The following DUOXA2 variants were observed in gnomAD, a reference collection of about 807,000 sequenced individuals.
The protein encoded by DUOXA2 is dual oxidase maturation factor 2.
DUOXA2 carries 22 observed loss-of-function variants against 27.6 expected under a neutral mutation model. The observed-to-expected ratio is 0.80, with a 90% confidence interval of 0.57 to 1.14. The LOEUF is 1.14. Ranked by LOEUF, DUOXA2 falls within the 50% of genes most tolerant of loss-of-function variation. DUOXA2 has a pLI of 0.00. For missense variants in DUOXA2, 481 were observed against 419.9 expected (o/e 1.15, Z -1.27); for synonymous variants, 188 against 184.4 (o/e 1.02, Z -0.16).
rs752278554 is a variant in DUOXA2 at position 45,116,139 on chromosome 15, C to A, written c.221C>A (p.Ala74Glu). The A allele has an allele frequency of 6.2e-7, 1 of 1,613,972 alleles. No individual in the cohort carries two copies. Among genetic ancestry groups the A allele is most frequent in the Admixed American group, 1.7e-5 (1 of 60,022 alleles). ...GAEIVAVHFS[A>E]EWFVGTVNTN... ...TTCCCTACAGCTGTGCACTTCAGTGCAGAATGGTTCGTGGGTACAGTGAAC... is the reference window on the plus strand; with the variant it reads ...TTCCCTACAGCTGTGCACTTCAGTGAAGAATGGTTCGTGGGTACAGTGAAC... Residue 74 changes from alanine to glutamate, a missense_variant, in exon 3 of 6, where the codon GCA becomes GAA. Physicochemically the swap from Ala to Glu is moderately radical, Grantham distance 107. Transcript: ENST00000323030.
At position 45,118,062 on chromosome 15, in the gene DUOXA2, G is replaced by A. The variant is rs1209276593; in HGVS notation, c.*153G>A. The A allele has an allele frequency of 6.4e-7, 1 of 1,555,384 alleles. No individual in the cohort carries two copies. Among genetic ancestry groups the A allele is most frequent in the Non-Finnish European group, 8.7e-7 (1 of 1,152,676 alleles). On this transcript the variant is annotated 3_prime_UTR_variant, in exon 6 of 6. Transcript: ENST00000323030. Reference sequence around the variant, plus strand: ...CCGCAGGCACCAGGGAAAGTCTCCTGGGGCGATCTGTAAATAAACCTTTTT... The same window carrying A: ...CCGCAGGCACCAGGGAAAGTCTCCTAGGGCGATCTGTAAATAAACCTTTTT...
rs764707016 is a variant in DUOXA2, at chr15:45,116,480, C to T, written c.341-36C>T. 31 of 1,610,924 alleles carry T rather than the reference C, an allele frequency of 1.9e-5. No homozygotes were observed. The South Asian group carries it at 3.2e-4, about 17-fold the overall frequency. On this transcript the variant is annotated intron_variant, in intron 3 of 5. Coordinates refer to ENST00000323030, the MANE Select transcript of DUOXA2 (RefSeq NM_207581.4). ...ATCCGCTTAGTTGCGAGGTCTCCGA[C>T]CGCGGGCAGCCCCATGAGCCCGCCT...
At chr15:45,117,030 G>A in intron 4 of DUOXA2, 61 bp from the exon 5 acceptor site, 3 of 1,558,348 alleles carry the variant, frequency 1.9e-6, no homozygotes, top group Non-Finnish European at 2.6e-6. Context: ...GAGCGCAGCT[G>A]TGGGAACCCC....
In DUOXA2 at chr15:45,114,431, G is replaced by A; in HGVS notation, c.-175G>A. ...CGGTACCAACCCCAGAGCGTTGAGA[G>A]CAGCCCACCTCCACGCTTCCTTAAC... is the stretch of plus-strand genomic sequence containing the variant. On this transcript the variant is annotated 5_prime_UTR_variant, in exon 1 of 6. Transcript: ENST00000323030. 3 of 790,668 alleles carry A rather than the reference G, an allele frequency of 3.8e-6. No individual in the cohort carries two copies. Among genetic ancestry groups the A allele is most frequent in the East Asian group, 5.4e-5 (2 of 37,160 alleles). 49.0% of individuals were successfully genotyped at this position (790,668 alleles called of 1,614,324 possible).
Position 45,118,216 on chromosome 15 carries a change from T to G in DUOXA2, c.*307T>G. 7.1e-7 allele frequency: 1 copy of G among 1,413,466 alleles called. No individual in the cohort carries two copies. Among genetic ancestry groups the G allele is most frequent in the Non-Finnish European group, 9.2e-7 (1 of 1,090,444 alleles). The allele number at this position is 1,413,466 out of a possible 1,614,324, so 87.6% of individuals were successfully genotyped here. Reference sequence around the variant, plus strand: ...ACACTCTCCGCAGTGCTGTGAAACCTGATTCTCTGCGTCGACTCCAGAGTA... The same window carrying G: ...ACACTCTCCGCAGTGCTGTGAAACCGGATTCTCTGCGTCGACTCCAGAGTA... On this transcript the variant is annotated 3_prime_UTR_variant, in exon 6 of 6. Transcript: ENST00000323030.
Position 45,114,496 on chromosome 15 carries a change from C to A in DUOXA2, c.-110C>A. 4.0e-6 allele frequency: 6 copies of A among 1,496,298 alleles called. No homozygotes were observed. The highest frequency in any genetic ancestry group is 2.4e-5 in the East Asian group (1 of 41,428). The allele number at this position is 1,496,298 out of a possible 1,614,324, so 92.7% of individuals were successfully genotyped here. ...CTCAGACTTCACCAGCCCACTCGGT[C>A]CCAGCCTTGTACGCAAAGAGACGCC... On this transcript the variant is annotated 5_prime_UTR_variant, in exon 1 of 6. Coordinates refer to ENST00000323030, the MANE Select transcript of DUOXA2 (RefSeq NM_207581.4).
In DUOXA2 at chr15:45,114,837, G is replaced by A. The variant is rs950638186; in HGVS notation, c.147+85G>A. On this transcript the variant is annotated intron_variant, in intron 1 of 5. Transcript: ENST00000323030. ...TGAGGGACCCAGGACAGGTAAGACT[G>A]TACAAGAGCCTCCATGAATAGTCGA... is the stretch of plus-strand genomic sequence containing the variant. 19 of 1,592,506 alleles carry A rather than the reference G, an allele frequency of 1.2e-5. No individual in the cohort carries two copies. In the African/African-American group the frequency reaches 2.1e-4, roughly 18 times the overall value.
intron 3 of DUOXA2, 122 bp from the exon 4 acceptor site, chr15:45,116,394 C>G (rs1894630757): frequency 1.3e-6 from 2 of 1,553,680 alleles, no homozygotes; most frequent in Admixed American, 1.7e-5. Context: ...TGCGTTTTCT[C>G]CAACCACCAC....
chr15:45,114,424 G>A lies in DUOXA2; in HGVS notation c.-182G>A, dbSNP rs1894548142. The stretch of plus-strand genomic sequence containing the variant: ...ACTCTGTCGGTACCAACCCCAGAGC[G>A]TTGAGAGCAGCCCACCTCCACGCTT... On this transcript the variant is annotated 5_prime_UTR_variant, in exon 1 of 6. Transcript: ENST00000323030. 1.3e-6 allele frequency: 1 copy of A among 743,792 alleles called. No homozygotes were observed. The highest frequency in any genetic ancestry group is 2.2e-6 in the Non-Finnish European group (1 of 451,256). The allele number at this position is 743,792 out of a possible 1,614,324, so 46.1% of individuals were successfully genotyped here.
At chr15:45,115,617 G>A in intron 1 of DUOXA2, 182 bp from the exon 2 acceptor site, 2 of 763,662 alleles carry the variant, frequency 2.6e-6, no homozygotes, top group Non-Finnish European at 4.6e-6. Flanking sequence ...GGAGGTGAAA[G>A]TGCGTGGTCA....
chr15:45,117,337 A>G (rs1447618484), intron 5 of DUOXA2, 32 bp downstream of exon 5: 1 of 1,553,274 alleles, frequency 6.4e-7, no homozygotes, highest in Non-Finnish European at 8.7e-7. Flanking sequence ...CCCGGGGGCT[A>G]AGGGTGGAGA....
In DUOXA2 at chr15:45,117,940, T is replaced by C. The variant is rs753506009; in HGVS notation, c.*31T>C. 6.2e-7 allele frequency: 1 copy of C among 1,613,110 alleles called. No individual in the cohort carries two copies. The highest frequency in any genetic ancestry group is 8.5e-7 in the Non-Finnish European group (1 of 1,179,942). On this transcript the variant is annotated 3_prime_UTR_variant, in exon 6 of 6. Coordinates refer to ENST00000323030, the MANE Select transcript of DUOXA2 (RefSeq NM_207581.4). The stretch of plus-strand genomic sequence containing the variant: ...ACCCAATCTGGACTCCTTCCCCGCC[T>C]TGGGACATCGCAGGCCGGGAAGCAG...
chr15:45,116,555 A>G lies in DUOXA2; in HGVS notation c.380A>G (p.Asn127Ser), dbSNP rs373040125. The part of the protein sequence containing the change: ...VHQLNETIDY[N>S]EQFTWRLKEN... ...CAGCTGAACGAGACCATTGACTACA[A>G]CGAGCAGTTCACCTGGCGTCTGAAA... is the stretch of plus-strand genomic sequence containing the variant. Residue 127 changes from asparagine to serine, a missense_variant, in exon 4 of 6, where the codon AAC (asparagine) becomes AGC (serine). By Grantham distance (46) the Asn-to-Ser change is conservative (BLOSUM62 1). Coordinates refer to ENST00000323030, the MANE Select transcript of DUOXA2 (RefSeq NM_207581.4). 6.8e-5 allele frequency: 110 copies of G among 1,613,930 alleles called. No homozygotes were observed. The highest frequency in any genetic ancestry group is 1.6e-4 in the Middle Eastern group (1 of 6,084).
chr15:45,116,989 C>T, intron 4 of DUOXA2, 102 bp from the exon 5 acceptor site: 1 of 1,400,370 alleles, frequency 7.1e-7, no homozygotes, highest in African/African-American at 1.4e-5. Context: ...ATCCCAGTCC[C>T]TGGCTTTGAC....
chr15:45,116,478 G>C, intron 3 of DUOXA2, 38 bp from the exon 4 acceptor site: 1 of 1,610,752 alleles, frequency 6.2e-7, no homozygotes, highest in Non-Finnish European at 8.5e-7. Flanking sequence ...CGAGGTCTCC[G>C]ACCGCGGGCA....
rs766875333 is a variant in DUOXA2 at position 45,116,552 on chromosome 15, A to G, written c.377A>G (p.Tyr126Cys). 8 of 1,613,906 alleles carry G rather than the reference A, an allele frequency of 5.0e-6. No individual in the cohort carries two copies. In the Admixed American group the frequency reaches 1.2e-4, roughly 24 times the overall value. ...PVHQLNETIDYNEQFTWRLKE... is the reference protein window; with the variant it reads ...PVHQLNETIDCNEQFTWRLKE... ...CATCAGCTGAACGAGACCATTGACT[A>G]CAACGAGCAGTTCACCTGGCGTCTG... The change falls in exon 4 of 6, where the codon TAC (tyrosine) becomes TGC (cysteine). Residue 126 changes from tyrosine (Y) to cysteine (C), a missense_variant. By Grantham distance (194) the Tyr-to-Cys change is radical. Transcript: ENST00000323030.
intron 1 of DUOXA2, 96 bp from the exon 2 acceptor site, chr15:45,115,703 A>C (rs1383395057): frequency 7.0e-7 from 1 of 1,427,694 alleles, no homozygotes; most frequent in Non-Finnish European, 9.8e-7. Context: ...AAAAGTCTGG[A>C]TATAACTAAA....
At position 45,118,273 on chromosome 15, in the gene DUOXA2, C is replaced by T; in HGVS notation, c.*364C>T. On this transcript the variant is annotated 3_prime_UTR_variant, in exon 6 of 6. Transcript: ENST00000323030. ...GCGCCCTCTAGTGAGGCCGGAGGGA[C>T]CCTACCAGAGCTAGCATCTTTCTGA... is the stretch of plus-strand genomic sequence containing the variant. 3 of 1,367,004 alleles carry T rather than the reference C, an allele frequency of 2.2e-6. No homozygotes were observed. The highest frequency in any genetic ancestry group is 2.8e-6 in the Non-Finnish European group (3 of 1,065,792). 84.7% of individuals were successfully genotyped at this position (1,367,004 alleles called of 1,614,324 possible).
rs1894753091 is a variant in DUOXA2, at chr15:45,117,733, C to G, written c.787C>G (p.Leu263Val). The change falls in exon 6 of 6, where the codon CTC becomes GTC. Residue 263 changes from leucine (L) to valine (V), a missense_variant. Physicochemically the swap from Leu to Val is conservative, Grantham distance 32. Transcript: ENST00000323030. ...CGCCACAGGCGTCCTGTGCCTCTTC[C>G]TCGGAGGGGCCGTGGTGAGTCTCCA... ...TLATGVLCLF[L>V]GGAVVSLQYV... is the part of the protein sequence containing the mutation. 1 of 1,612,910 alleles carries G rather than the reference C, an allele frequency of 6.2e-7. No homozygotes were observed. Among genetic ancestry groups the G allele is most frequent in the Non-Finnish European group, 8.5e-7 (1 of 1,179,140 alleles).
Sources: allele counts gnomAD v4.1 joint callset, GRCh38; gene constraint gnomAD v4.1.1; transcripts MANE v1.5; gene names NCBI Gene and HGNC (gene_info 2026-07-23, HGNC 2026-07-21).